Variants in LRRC7 observed in about 807,000 individuals in gnomAD.
LRRC7 encodes the protein leucine rich repeat containing 7.
A neutral mutation model predicts 175.7 loss-of-function variants in LRRC7; 23 were observed. That is an observed-to-expected ratio of 0.13 (90% CI 0.09 to 0.19). The LOEUF (loss-of-function observed/expected upper bound fraction) is 0.19. Among genes scored for constraint, LRRC7 ranks in the 10% least tolerant of loss-of-function variants. The pLI is 1.00. For missense variants in LRRC7, 1,354 were observed against 1,904.7 expected, an observed-to-expected ratio of 0.71 and a Z score of 5.38; for synonymous variants, 685 against 680.9, an observed-to-expected ratio of 1.01 and a Z score of -0.09.
intron 22 of LRRC7, among the ~76,000 whole-genome samples, chr1:70,047,938 A>G (rs1660459820): frequency 6.6e-6 from 1 of 151,996 alleles, no homozygotes; most frequent in Admixed American, 6.6e-5. Flanking sequence ...CTTTTATTAA[A>G]TTATAGAATT....
intron 7 of LRRC7, among the ~76,000 whole-genome samples, chr1:69,849,286 T>G (rs1682714775): frequency 6.6e-6 from 1 of 152,006 alleles, no homozygotes; most frequent in Non-Finnish European, 1.5e-5. Flanking sequence ...AGGAGCATTA[T>G]TTAGGAAATG....
intron 2 of LRRC7, among the ~76,000 whole-genome samples, chr1:69,705,944 T>A (rs891940724): frequency 6.6e-6 from 1 of 152,146 alleles, no homozygotes; most frequent in Admixed American, 6.6e-5. Flanking sequence ...TTCTACCACA[T>A]CTTCCCTCCA....
intron 1 of LRRC7, among the ~76,000 whole-genome samples, chr1:69,644,556 T>C (rs1190829476): frequency 2.0e-5 from 3 of 152,050 alleles, no homozygotes; most frequent in African/African-American, 7.2e-5. Context: ...CAGATAAAAT[T>C]AGTTCTTGCT....
intron 25 of LRRC7, among the ~76,000 whole-genome samples, chr1:70,104,033 A>G (rs1047041087): frequency 6.6e-6 from 1 of 152,188 alleles, no homozygotes; most frequent in Non-Finnish European, 1.5e-5. Context: ...CACATTTAAG[A>G]TCTTGCTAGC....
At chr1:69,802,769 T>C (rs1459745163) in intron 4 of LRRC7, among the ~76,000 whole-genome samples, 1 of 151,348 alleles carries the variant, frequency 6.6e-6, no homozygotes, top group African/African-American at 2.4e-5. Flanking sequence ...TGTTTTTATC[T>C]GGTTTTGTGG....
At chr1:69,817,076 T>G (rs1678684513) in intron 4 of LRRC7, among the ~76,000 whole-genome samples, 2 of 152,164 alleles carry the variant, frequency 1.3e-5, no homozygotes, top group Admixed American at 1.3e-4. Context: ...GTATGTAGGT[T>G]TTGCTGTGCA....
intron 7 of LRRC7, among the ~76,000 whole-genome samples, chr1:69,928,845 G>A (rs1018160365): frequency 1.2e-4 from 18 of 152,350 alleles, no homozygotes; most frequent in African/African-American, 4.3e-4. Context: ...GCACTCCCTA[G>A]TGGGATGACC....
intron 1 of LRRC7, among the ~76,000 whole-genome samples, chr1:69,615,105 A>AT (rs1420224648): frequency 6.6e-6 from 1 of 152,038 alleles, no homozygotes; most frequent in African/African-American, 2.4e-5. Context: ...TTATTGTTAA[A>AT]TTTTATCACC....
chr1:70,027,319 A>G (rs889460684), intron 17 of LRRC7, among the ~76,000 whole-genome samples: 10 of 152,136 alleles, frequency 6.6e-5, no homozygotes, highest in Non-Finnish European at 1.3e-4. Context: ...TGATGATGAA[A>G]TATTCTATAT....
In LRRC7 at chr1:70,139,097, C is replaced by T. The variant is rs574992869; in HGVS notation, c.*17210C>T. 6.6e-6 allele frequency: 1 copy of T among 152,310 alleles called. No homozygotes were observed. The highest frequency in any genetic ancestry group is 1.9e-4 in the East Asian group (1 of 5,174). The allele number at this position is 152,310 out of a possible 1,614,324, so 9.4% of individuals were successfully genotyped here. A position where few individuals can be genotyped will look rare whatever the true frequency, so the allele number is the denominator to read the frequency against. The stretch of plus-strand genomic sequence containing the variant: ...TACTGCAAAAACCAAGCCCACAAGT[C>T]TCCAATCCTAAAAGTCACTAGAATA... On this transcript the variant is annotated 3_prime_UTR_variant, in exon 27 of 27. Transcript: ENST00000651989.
intron 7 of LRRC7, among the ~76,000 whole-genome samples, chr1:69,841,595 T>C (rs773668016): frequency 5.3e-5 from 8 of 152,120 alleles, no homozygotes; most frequent in Admixed American, 4.6e-4. Flanking sequence ...CCTTCTTCTT[T>C]ATACCATTTC....
intron 1 of LRRC7, among the ~76,000 whole-genome samples, chr1:69,641,470 A>G (rs1475119400): frequency 6.6e-6 from 1 of 151,614 alleles, no homozygotes; most frequent in Non-Finnish European, 1.5e-5. Context: ...TAGCTTTAAG[A>G]AATAAATTAA....
At chr1:69,975,365 A>G (rs1380564740) in intron 8 of LRRC7, among the ~76,000 whole-genome samples, 2 of 152,190 alleles carry the variant, frequency 1.3e-5, no homozygotes, top group Non-Finnish European at 2.9e-5. Flanking sequence ...GAATTTTGCC[A>G]TTATCCAAAA....
intron 11 of LRRC7, among the ~76,000 whole-genome samples, chr1:70,001,567 A>T (rs1347296216): frequency 6.6e-6 from 1 of 152,214 alleles, no homozygotes; most frequent in East Asian, 1.9e-4. Flanking sequence ...GGGCAATGAA[A>T]GCCTGGAAAT....
chr1:69,579,089 T>G (rs72671192), intron 1 of LRRC7, among the ~76,000 whole-genome samples: 10,783 of 152,204 alleles, frequency 0.071, 522 homozygotes, highest in South Asian at 0.11. Flanking sequence ...CATATTTTAG[T>G]TCAGAAGATA....
rs1666584045 is a variant in LRRC7, at chr1:70,129,543, G to T, written c.*7656G>T. The stretch of plus-strand genomic sequence containing the variant: ...ACACTTTAAAAAGTGTGGGGGGGTT[G>T]CTTGAAAAGAGTCTTCTAGGTTCAG... On this transcript the variant is annotated 3_prime_UTR_variant, in exon 27 of 27. Coordinates refer to ENST00000651989, the MANE Select transcript of LRRC7 (RefSeq NM_001370785.2). Among the ~76,000 whole-genome samples, 1 of 152,144 alleles carries T rather than the reference G, an allele frequency of 6.6e-6. No homozygotes were observed. The highest frequency in any genetic ancestry group is 2.4e-5 in the African/African-American group (1 of 41,436).
intron 8 of LRRC7, among the ~76,000 whole-genome samples, chr1:69,947,212 A>G (rs1299999313): frequency 6.6e-6 from 1 of 152,114 alleles, no homozygotes; most frequent in Non-Finnish European, 1.5e-5. Context: ...CTATTCAGTA[A>G]CACTGTGTTG....
chr1:70,024,591 C>T (rs940073054), intron 17 of LRRC7, among the ~76,000 whole-genome samples: 3 of 151,864 alleles, frequency 2.0e-5, no homozygotes, highest in African/African-American at 7.3e-5. Context: ...CAACACAACA[C>T]AGTTTTGCAA....
rs1666800681 is a variant in LRRC7 at position 70,134,795 on chromosome 1, T to G, written c.*12908T>G. On this transcript the variant is annotated 3_prime_UTR_variant, in exon 27 of 27. Coordinates refer to ENST00000651989, the MANE Select transcript of LRRC7 (RefSeq NM_001370785.2). ...TTTTGGGTTTGTTTACCAAGTGTTC[T>G]TCCTCTCTTTTCAGAGAAGTTAAAT... Among the ~76,000 whole-genome samples the G allele has an allele frequency of 6.6e-6, 1 of 152,240 alleles. No individual in the cohort carries two copies. Among genetic ancestry groups the G allele is most frequent in the Admixed American group, 6.5e-5 (1 of 15,282 alleles).
Sources: gnomAD v4.1 joint callset for allele counts (sites outside exome capture counted in the v4.1 genomes callset) on GRCh38, gnomAD v4.1.1 for gene constraint, MANE v1.5 for transcripts, NCBI Gene and HGNC (gene_info 2026-07-23, HGNC 2026-07-21) for gene names.